HCFC1R1: variants seen among roughly 807,000 people sequenced by gnomAD.
HCFC1R1 encodes HCF-1 beta-propeller-interacting protein.
A neutral mutation model predicts 13.3 loss-of-function variants in HCFC1R1; 17 were observed. The ratio of observed to expected loss-of-function variants is 1.28; its 90% CI spans 0.87 to 1.91. HCFC1R1 has a LOEUF of 1.91. Ranked by LOEUF, HCFC1R1 falls within the 40% of genes most tolerant of loss-of-function variation. The pLI is 0.00. For missense variants in HCFC1R1, 218 were observed against 177.9 expected (o/e 1.23, Z -1.28); for synonymous variants, 87 against 71.1 (o/e 1.22, Z -1.12).
chr16:3,023,775 A>C (rs2072691824), intron 1 of HCFC1R1, 72 bp downstream of exon 1: 2 of 1,244,308 alleles, frequency 1.6e-6, no homozygotes, highest in Non-Finnish European at 2.3e-6. Flanking sequence ...TTCATCCTGC[A>C]GACCAGTCCT....
At chr16:3,023,448 G>A (rs763016582) in intron 2 of HCFC1R1, 26 bp downstream of exon 2, 1 of 1,613,754 alleles carries the variant, frequency 6.2e-7, no homozygotes. Flanking sequence ...ATCTTGTTGG[G>A]AGTCCCTCCC....
At chr16:3,024,279 G>C, upstream of HCFC1R1, 2 of 1,613,668 alleles carry the variant, frequency 1.2e-6, no homozygotes, top group Non-Finnish European at 1.7e-6. Context: ...GTAAGGCCTC[G>C]TGAGGTTGCG....
chr16:3,022,940 G>C lies in HCFC1R1; in HGVS notation c.340C>G (p.Leu114Val), dbSNP rs766049520. ...GTGTCCCCCAGCCTCAGCAGACGGA[G>C]GGCCTCAGGGATGAGGCTGCCAGGA... The part of the protein sequence containing the change: ...RYPGSLIPEA[L>V]RLLRLGDTPS... The change falls in exon 4 of 4, where the codon CTC becomes GTC. Residue 114 changes from leucine to valine, a missense_variant. Coordinates refer to ENST00000248089, the MANE Select transcript of HCFC1R1 (RefSeq NM_017885.4). The C allele has an allele frequency of 1.6e-5, 26 of 1,575,944 alleles. No homozygotes were observed. In the South Asian group the frequency reaches 2.9e-4, roughly 18 times the overall value.
upstream of HCFC1R1, chr16:3,024,093 T>C: frequency 1.3e-6 from 1 of 744,562 alleles, no homozygotes; most frequent in Non-Finnish European, 2.2e-6. Context: ...GAAGGCAGGC[T>C]TGCTCCTCGG....
rs774652478 is a variant in HCFC1R1 at position 3,022,816 on chromosome 16, C to T, written c.*47G>A. 41 of 1,430,174 alleles carry T rather than the reference C, an allele frequency of 2.9e-5. No homozygotes were observed. Among genetic ancestry groups the T allele is most frequent in the Non-Finnish European group, 3.5e-5 (38 of 1,094,142 alleles). The allele number at this position is 1,430,174 out of a possible 1,614,324, so 88.6% of individuals were successfully genotyped here. A position where few individuals can be genotyped will look rare whatever the true frequency, so the allele number is the denominator to read the frequency against. Reference sequence around the variant, plus strand: ...CCTTTGCGGGAGTCGCTGGTCTCTTCTGTTGTGGGGAAGAAGGAAGGTGGG... The same window carrying T: ...CCTTTGCGGGAGTCGCTGGTCTCTTTTGTTGTGGGGAAGAAGGAAGGTGGG... On this transcript the variant is annotated 3_prime_UTR_variant, in exon 4 of 4. Coordinates refer to ENST00000248089, the MANE Select transcript of HCFC1R1 (RefSeq NM_017885.4).
chr16:3,023,871 C>T lies in HCFC1R1; in HGVS notation c.71G>A (p.Gly24Glu). The change falls in exon 1 of 4, where the codon GGG becomes GAG. Residue 24 changes from glycine to glutamate, a missense_variant. Transcript: ENST00000248089. ...CCTGGCGTCCAGGCCCCAAGTCACC[C>T]CCAAGGCGGCCCGCGGGAGGCGCTG... ...GAQRLPRAAL[G>E]VTWGLDASSP... 2.6e-6 allele frequency: 4 copies of T among 1,550,488 alleles called. No homozygotes were observed. The highest frequency in any genetic ancestry group is 3.5e-6 in the Non-Finnish European group (4 of 1,153,172).
In HCFC1R1 at chr16:3,022,660, G is replaced by C; in HGVS notation, c.*203C>G. ...CAGCAATCTTTATTCAGTTCTTCTT[G>C]GGGGTGGGATGCCTCCCTTCCCATG... On this transcript the variant is annotated 3_prime_UTR_variant, in exon 4 of 4. Transcript: ENST00000248089. 2 of 451,996 alleles carry C rather than the reference G, an allele frequency of 4.4e-6. No individual in the cohort carries two copies. Among genetic ancestry groups the C allele is most frequent in the Non-Finnish European group, 7.9e-6 (2 of 252,754 alleles). The allele number at this position is 451,996 out of a possible 1,614,324, so 28.0% of individuals were successfully genotyped here.
intron 1 of HCFC1R1, 39 bp from the exon 2 acceptor site, chr16:3,023,569 G>T: frequency 6.5e-7 from 1 of 1,529,502 alleles, no homozygotes; most frequent in East Asian, 2.3e-5. Context: ...CCACCCTCTT[G>T]GCCCCTTCCC....
At chr16:3,023,651 G>C in intron 1 of HCFC1R1, 121 bp from the exon 2 acceptor site, 1 of 1,233,630 alleles carries the variant, frequency 8.1e-7, no homozygotes, top group South Asian at 1.5e-5. Context: ...GCTGGTGCCG[G>C]TCCCCGCTCT....
Position 3,023,920 on chromosome 16 carries a change from G to A in HCFC1R1, c.22C>T (p.Gln8Ter). 1 of 1,556,750 alleles carries A rather than the reference G, an allele frequency of 6.4e-7. No homozygotes were observed. ...TGGGCCCCTCCCTGGGGGCCTCGCTGCAAGGGCTGCTGCAGGATCATTGGG... is the reference window on the plus strand; with the variant it reads ...TGGGCCCCTCCCTGGGGGCCTCGCTACAAGGGCTGCTGCAGGATCATTGGG... MILQQPL[Q>*]RGPQGGAQRL... Residue 8 changes from glutamine to a stop codon, truncating the protein, a stop_gained, in exon 1 of 4, where the codon CAG becomes TAG. Coordinates refer to ENST00000248089, the MANE Select transcript of HCFC1R1 (RefSeq NM_017885.4). LOFTEE classifies it high-confidence loss of function.
Position 3,023,487 on chromosome 16 carries a change from G to C in HCFC1R1, c.139C>G (p.Leu47Val). 4 of 1,612,500 alleles carry C rather than the reference G, an allele frequency of 2.5e-6. No individual in the cohort carries two copies. The highest frequency in any genetic ancestry group is 3.4e-6 in the Non-Finnish European group (4 of 1,179,308). Residue 47 changes from leucine to valine, a missense_variant, in exon 2 of 4, where the codon CTG (leucine) becomes GTG (valine). By Grantham distance (32) the Leu-to-Val change is conservative. Coordinates refer to ENST00000248089, the MANE Select transcript of HCFC1R1 (RefSeq NM_017885.4). ...GAVPMSTKRRLEEEQEPLRKQ... is the reference protein window; with the variant it reads ...GAVPMSTKRRVEEEQEPLRKQ... ...CCCCAAACTCACTGCTCCTCCTCCA[G>C]GCGCCGCTTGGTGCTCATGGGCACA...
At chr16:3,024,101 C>A (rs1006689737), upstream of HCFC1R1, 1 of 695,532 alleles carries the variant, frequency 1.4e-6, no homozygotes. Flanking sequence ...GCTTGCTCCT[C>A]GGGGTGGGGG....
Position 3,023,308 on chromosome 16 carries a change from G to C in HCFC1R1, c.206C>G (p.Ser69Cys), listed in dbSNP as rs1267979019. ...GTGGTCATTGTGCAGGCTGAGTTGA[G>C]AGAAGTGGGTGGCCATGTTCTCCTC... ...LSEENMATHF[S>C]QLSLHNDHPY... The change falls in exon 3 of 4, where the codon TCT becomes TGT. Residue 69 changes from serine to cysteine, a missense_variant. Physicochemically the swap from Ser to Cys is moderately radical, Grantham distance 112. Transcript: ENST00000248089. The C allele has an allele frequency of 6.3e-7, 1 of 1,599,000 alleles. No individual in the cohort carries two copies. The highest frequency in any genetic ancestry group is 2.2e-5 in the East Asian group (1 of 44,622).
chr16:3,023,417 T>C, intron 2 of HCFC1R1, 56 bp from the exon 3 acceptor site: 1 of 1,613,852 alleles, frequency 6.2e-7, no homozygotes, highest in Non-Finnish European at 8.5e-7. Flanking sequence ...GGCAGCCTGT[T>C]GGGGACCAGA....
In HCFC1R1 at chr16:3,023,267, G is replaced by C. The variant is rs764098827; in HGVS notation, c.247C>G (p.Pro83Ala). 3.8e-6 allele frequency: 6 copies of C among 1,573,360 alleles called. No individual in the cohort carries two copies. The highest frequency in any genetic ancestry group is 1.7e-4 in the Middle Eastern group (1 of 5,840). Residue 83 changes from proline (P) to alanine (A), a missense_variant, in exon 3 of 4, where the codon CCC becomes GCC. Coordinates refer to ENST00000248089, the MANE Select transcript of HCFC1R1 (RefSeq NM_017885.4). Reference protein sequence around the residue: ...LHNDHPYCSPPMTFSPALPPL... With the variant: ...LHNDHPYCSPAMTFSPALPPL... ...GGCAGGGCTGGGGAGAAGGTCATGG[G>C]GGGGCTGCAGTAGGGGTGGTCATTG...
At chr16:3,023,945 G>T, upstream of HCFC1R1, 1 of 1,549,060 alleles carries the variant, frequency 6.5e-7, no homozygotes. Flanking sequence ...GGATCATTGG[G>T]TTTTGGGGTC....
At chr16:3,024,187 T>C, upstream of HCFC1R1, 1 of 1,048,678 alleles carries the variant, frequency 9.5e-7, no homozygotes. Context: ...TCACCTCGGC[T>C]CCTAGGGTTC....
In HCFC1R1 at chr16:3,022,851, G is replaced by A. The variant is rs373861181; in HGVS notation, c.*12C>T. ...GAAGAAGGAAGGTGGGAGGGGCACT[G>A]TCCACCAGCACTCAGAGCTCCATTA... is the stretch of plus-strand genomic sequence containing the variant. On this transcript the variant is annotated 3_prime_UTR_variant, in exon 4 of 4. Transcript: ENST00000248089. 277 of 1,515,840 alleles carry A rather than the reference G, an allele frequency of 1.8e-4. No homozygotes were observed. Among genetic ancestry groups the A allele is most frequent in the Non-Finnish European group, 2.2e-4 (256 of 1,143,134 alleles). The allele number at this position is 1,515,840 out of a possible 1,614,324, so 93.9% of individuals were successfully genotyped here. A position where few individuals can be genotyped will look rare whatever the true frequency, so the allele number is the denominator to read the frequency against.
At chr16:3,023,072 C>T (rs1567410168) in intron 3 of HCFC1R1, 74 bp from the exon 4 acceptor site, 1 of 1,544,618 alleles carries the variant, frequency 6.5e-7, no homozygotes, top group Non-Finnish European at 8.7e-7. Context: ...AGGTCCAGGT[C>T]CCCAGGGGCT....
Sources: gnomAD v4.1 joint callset for allele counts on GRCh38, gnomAD v4.1.1 for gene constraint, MANE v1.5 for transcripts, NCBI Gene and HGNC (gene_info 2026-07-23, HGNC 2026-07-21) for gene names.